Variants in KCTD8 observed in about 807,000 individuals in gnomAD.
The protein encoded by KCTD8 is potassium channel tetramerization domain containing 8.
KCTD8 carries 27 observed loss-of-function variants against 31.5 expected under a neutral mutation model. That is an observed-to-expected ratio of 0.86 (90% CI 0.63 to 1.18). The LOEUF is 1.18. Ranked by LOEUF, KCTD8 falls within the 50% of genes most tolerant of loss-of-function variation. The pLI is 0.00. For synonymous variants in KCTD8, 290 were observed against 280.0 expected (o/e 1.04, Z -0.36); for missense variants, 658 against 647.7 (o/e 1.02, Z -0.17).
intron 1 of KCTD8, among the ~76,000 whole-genome samples, chr4:44,251,148 G>C (rs1216167583): frequency 6.6e-6 from 1 of 151,634 alleles, no homozygotes; most frequent in East Asian, 1.9e-4. Context: ...TCTTCCTACA[G>C]AGAGTTATTT....
intron 1 of KCTD8, among the ~76,000 whole-genome samples, chr4:44,181,558 C>T (rs1011057463): frequency 2.0e-5 from 3 of 152,184 alleles, no homozygotes; most frequent in Non-Finnish European, 4.4e-5. Context: ...CTCAATGTTG[C>T]CCAGGCTGGA....
At chr4:44,342,310 A>C (rs1000429446) in intron 1 of KCTD8, among the ~76,000 whole-genome samples, 1 of 149,990 alleles carries the variant, frequency 6.7e-6, no homozygotes, top group Non-Finnish European at 1.5e-5. Context: ...CGGAGATTGC[A>C]GTGAGCCAAG....
chr4:44,350,117 A>G (rs1401255567), intron 1 of KCTD8, among the ~76,000 whole-genome samples: 1 of 152,172 alleles, frequency 6.6e-6, no homozygotes, highest in African/African-American at 2.4e-5. Context: ...ACACATTTTG[A>G]TTCCCCTTTA....
intron 1 of KCTD8, among the ~76,000 whole-genome samples, chr4:44,374,348 T>C (rs1719866665): frequency 6.6e-6 from 1 of 152,146 alleles, no homozygotes; most frequent in African/African-American, 2.4e-5. Flanking sequence ...GAATCAGAGT[T>C]AGTGTCTTAC....
intron 1 of KCTD8, among the ~76,000 whole-genome samples, chr4:44,273,871 G>A (rs1375046997): frequency 6.6e-6 from 1 of 151,808 alleles, no homozygotes; most frequent in African/African-American, 2.4e-5. Flanking sequence ...AAGTTGGATT[G>A]TCATAGTTAG....
chr4:44,221,371 T>TC (rs1714803661), intron 1 of KCTD8, among the ~76,000 whole-genome samples: 1 of 142,642 alleles, frequency 7.0e-6, no homozygotes, highest in East Asian at 2.1e-4. Flanking sequence ...GTGTGTGTGT[T>TC]TAGGAGCATC....
At chr4:44,188,965 G>C (rs1258695148) in intron 1 of KCTD8, among the ~76,000 whole-genome samples, 1 of 152,124 alleles carries the variant, frequency 6.6e-6, no homozygotes, top group African/African-American at 2.4e-5. Context: ...ATTTGTCATA[G>C]TAGCCAATAG....
chr4:44,242,008 CT>C (rs1648387782), intron 1 of KCTD8, among the ~76,000 whole-genome samples: 1 of 152,170 alleles, frequency 6.6e-6, no homozygotes, highest in East Asian at 1.9e-4. Flanking sequence ...TCAGTCAGAG[CT>C]TTGGCCTAAT....
At position 44,182,714 on chromosome 4, in the gene KCTD8, A is replaced by C. The variant is rs1040977461; in HGVS notation, c.962-7464T>G. Among the ~76,000 whole-genome samples the C allele has an allele frequency of 2.0e-5, 3 of 152,182 alleles. No individual in the cohort carries two copies. In the South Asian group the frequency reaches 6.2e-4, roughly 32 times the overall value. The stretch of plus-strand genomic sequence containing the variant: ...CCTTTGTTCACTTGTTTATGTGCTG[A>C]CCTTCCCTCCACTATTGTCCTATGA... On this transcript the variant is annotated intron_variant, in intron 1 of 1. Transcript: ENST00000360029.
chr4:44,253,038 GATT>G (rs1268014649), intron 1 of KCTD8, among the ~76,000 whole-genome samples: 1 of 151,650 alleles, frequency 6.6e-6, no homozygotes, highest in Non-Finnish European at 1.5e-5. Flanking sequence ...TCCTGAAGGA[GATT>G]ATCAAAGTTC....
At chr4:44,352,272 C>T (rs1719223280) in intron 1 of KCTD8, among the ~76,000 whole-genome samples, 2 of 151,902 alleles carry the variant, frequency 1.3e-5, no homozygotes, top group Non-Finnish European at 2.9e-5. Flanking sequence ...GCAATGCTGA[C>T]CTGTGGCTAT....
At chr4:44,320,461 T>C (rs1166515850) in intron 1 of KCTD8, among the ~76,000 whole-genome samples, 1 of 152,198 alleles carries the variant, frequency 6.6e-6, no homozygotes, top group Non-Finnish European at 1.5e-5. Flanking sequence ...CCCTAAGTTA[T>C]GAGAATACAT....
intron 1 of KCTD8, among the ~76,000 whole-genome samples, chr4:44,349,609 T>C (rs1445703368): frequency 1.3e-5 from 2 of 152,270 alleles, no homozygotes; most frequent in East Asian, 3.9e-4. Flanking sequence ...GCAGGTTCTT[T>C]CCAGAAGGGA....
At chr4:44,337,118 A>G (rs1371458311) in intron 1 of KCTD8, among the ~76,000 whole-genome samples, 2 of 152,178 alleles carry the variant, frequency 1.3e-5, no homozygotes, top group African/African-American at 4.8e-5. Context: ...CCTAACTAAC[A>G]ATCAATTATA....
intron 1 of KCTD8, among the ~76,000 whole-genome samples, chr4:44,380,443 C>A (rs1191796838): frequency 6.7e-6 from 1 of 150,134 alleles, no homozygotes; most frequent in Non-Finnish European, 1.5e-5. Context: ...TCAGTATTGG[C>A]AAAGGTTAAG....
intron 1 of KCTD8, among the ~76,000 whole-genome samples, chr4:44,257,365 G>A (rs1339094634): frequency 4.0e-5 from 6 of 151,880 alleles, no homozygotes; most frequent in East Asian, 3.9e-4. Flanking sequence ...TAAGTTAATC[G>A]AAAATATTAA....
At chr4:44,336,688 C>T (rs1718754820) in intron 1 of KCTD8, among the ~76,000 whole-genome samples, 1 of 151,862 alleles carries the variant, frequency 6.6e-6, no homozygotes, top group African/African-American at 2.4e-5. Context: ...CTGAAAAAAT[C>T]AGCAACTTTT....
intron 1 of KCTD8, among the ~76,000 whole-genome samples, chr4:44,300,519 A>G (rs1717579971): frequency 6.6e-6 from 1 of 152,166 alleles, no homozygotes. Flanking sequence ...CATTTTCTGT[A>G]TTGCCATCTC....
intron 1 of KCTD8, among the ~76,000 whole-genome samples, chr4:44,310,273 A>G (rs1717913873): frequency 6.6e-6 from 1 of 152,122 alleles, no homozygotes; most frequent in African/African-American, 2.4e-5. Context: ...CTTCACGCAT[A>G]ATCTAATTTT....
Sources: allele counts gnomAD v4.1 joint callset (sites outside exome capture counted in the v4.1 genomes callset), GRCh38; gene constraint gnomAD v4.1.1; transcripts MANE v1.5; gene names NCBI Gene and HGNC (gene_info 2026-07-23, HGNC 2026-07-21).